GABRR2: variants seen among roughly 807,000 people sequenced by gnomAD.
GABRR2 encodes the protein gamma-aminobutyric acid type A receptor subunit rho2.
A neutral mutation model predicts 47.0 loss-of-function variants in GABRR2; 36 were observed. The ratio of observed to expected loss-of-function variants is 0.77; its 90% CI spans 0.59 to 1.01. GABRR2 has a LOEUF of 1.01. Ranked by LOEUF, GABRR2 falls within the 50% of genes least tolerant of loss-of-function variation. The probability of loss-of-function intolerance (pLI) is 0.00; values close to 1 mark genes in which losing one functional copy is unlikely to be tolerated. For missense variants in GABRR2, 587 were observed against 594.6 expected (o/e 0.99, Z 0.13); for synonymous variants, 204 against 227.5 (o/e 0.90, Z 0.93).
chr6:89,281,288 T>C (rs952252437), intron 2 of GABRR2, among the ~76,000 whole-genome samples: 1 of 152,106 alleles, frequency 6.6e-6, no homozygotes, highest in African/African-American at 2.4e-5. Flanking sequence ...ATCACAGAAG[T>C]GAAAAAGAAG....
intron 2 of GABRR2, among the ~76,000 whole-genome samples, chr6:89,290,611 G>A (rs1473639159): frequency 6.6e-6 from 1 of 152,214 alleles, no homozygotes; most frequent in East Asian, 1.9e-4. Flanking sequence ...AGCCGGGTGT[G>A]GGGCCCGAGC....
At chr6:89,284,320 C>T (rs1291129376) in intron 2 of GABRR2, among the ~76,000 whole-genome samples, 6 of 152,086 alleles carry the variant, frequency 3.9e-5, no homozygotes, top group East Asian at 1.9e-4. Flanking sequence ...ATATATATGT[C>T]GGTAGTAGGC....
intron 2 of GABRR2, among the ~76,000 whole-genome samples, chr6:89,296,344 A>G (rs780031063): frequency 6.6e-6 from 1 of 152,234 alleles, no homozygotes; most frequent in Non-Finnish European, 1.5e-5. Context: ...TGTCTTATTT[A>G]TGGACTCATG....
intron 2 of GABRR2, among the ~76,000 whole-genome samples, chr6:89,273,719 C>T (rs1279267279): frequency 4.6e-5 from 7 of 152,334 alleles, no homozygotes; most frequent in South Asian, 2.1e-4. Flanking sequence ...ACCTAGATCC[C>T]GCTCCCTGCT....
In GABRR2 at chr6:89,269,136, C is replaced by T; in HGVS notation, c.387G>A (p.Leu129=). Residue 129 remains leucine (L), a synonymous_variant, in exon 4 of 9, where the codon CTG becomes CTA. Coordinates refer to ENST00000402938, the MANE Select transcript of GABRR2 (RefSeq NM_002043.5). ...CATCAGGGACCCAGATCTTCTTCAC[C>T]AGCCGGCCATCGAAGGTCATGCTCT... ...SNKSMTFDGR[L]VKKIWVPDVF... 2 of 1,614,006 alleles carry T rather than the reference C, an allele frequency of 1.2e-6. No homozygotes were observed. The highest frequency in any genetic ancestry group is 1.7e-6 in the Non-Finnish European group (2 of 1,179,888).
In GABRR2 at chr6:89,271,798, C is replaced by T. The variant is rs539554043; in HGVS notation, c.221-76G>A. On this transcript the variant is annotated intron_variant, in intron 2 of 8. Transcript: ENST00000402938. ...GGCTGGGAACAGCCCCAGTTGGCTT[C>T]CCCCGGGGAGCCAGGACTGGAGCAG... The T allele has an allele frequency of 1.7e-4, 212 of 1,282,992 alleles. No individual in the cohort carries two copies. In the East Asian group the frequency reaches 5.1e-3, roughly 31 times the overall value. The allele number at this position is 1,282,992 out of a possible 1,614,324, so 79.5% of individuals were successfully genotyped here.
chr6:89,262,678 T>C (rs1027236953), intron 8 of GABRR2, among the ~76,000 whole-genome samples: 13 of 152,338 alleles, frequency 8.5e-5, no homozygotes, highest in African/African-American at 2.9e-4. Flanking sequence ...AAGGTCCCAT[T>C]GACCAAAATG....
chr6:89,259,994 A>G (rs970204582), intron 8 of GABRR2, among the ~76,000 whole-genome samples: 1 of 144,516 alleles, frequency 6.9e-6, no homozygotes, highest in Non-Finnish European at 1.5e-5. Context: ...TGCAGCCTCC[A>G]CCTCCTGGGC....
At chr6:89,299,690 C>T in intron 2 of GABRR2, 69 bp downstream of exon 2, 1 of 1,013,860 alleles carries the variant, frequency 9.9e-7, no homozygotes, top group Non-Finnish European at 1.6e-6. Context: ...CCAGAGGGAG[C>T]CAGAGAGGGC....
At chr6:89,261,670 T>C (rs531354270) in intron 8 of GABRR2, among the ~76,000 whole-genome samples, 37 of 152,344 alleles carry the variant, frequency 2.4e-4, no homozygotes, top group Non-Finnish European at 4.0e-4. Flanking sequence ...AAGAATACAC[T>C]GTGTGCTAAC....
chr6:89,312,929 C>T (rs1263293422), intron 1 of GABRR2, among the ~76,000 whole-genome samples: 2 of 152,220 alleles, frequency 1.3e-5, no homozygotes, highest in African/African-American at 2.4e-5. Flanking sequence ...CCCAGCTGTG[C>T]CCAGGCTCAT....
At chr6:89,270,666 G>A (rs747397797) in intron 3 of GABRR2, among the ~76,000 whole-genome samples, 16 of 152,194 alleles carry the variant, frequency 1.1e-4, no homozygotes, top group Non-Finnish European at 2.2e-4. Flanking sequence ...GCCATGCTGG[G>A]TCCGTTAGGA....
intron 2 of GABRR2, among the ~76,000 whole-genome samples, chr6:89,281,988 C>CCAGGTCAGAGA (rs1774261058): frequency 6.6e-6 from 1 of 152,200 alleles, no homozygotes; most frequent in African/African-American, 2.4e-5. Flanking sequence ...ATGCCCCTCT[C>CCAGGTCAGAGA]TGACCTGGTG....
intron 2 of GABRR2, among the ~76,000 whole-genome samples, chr6:89,286,991 C>T (rs1248234632): frequency 6.6e-6 from 1 of 152,190 alleles, no homozygotes. Context: ...AAGCACTAAC[C>T]TCACCCAGTG....
chr6:89,292,828 TCGTATATA>T (rs1774492102), intron 2 of GABRR2, among the ~76,000 whole-genome samples: 1 of 38,258 alleles, frequency 2.6e-5, no homozygotes, highest in Admixed American at 3.6e-4. Flanking sequence ...ATCGTATATA[TCGTATATA>T]CGATATATCG....
At chr6:89,285,548 C>T (rs56800218) in intron 2 of GABRR2, among the ~76,000 whole-genome samples, 1 of 151,950 alleles carries the variant, frequency 6.6e-6, no homozygotes, top group African/African-American at 2.4e-5. Context: ...CACCATCACC[C>T]GGGCACTTAG....
At chr6:89,266,458 G>A (rs1246964853) in intron 6 of GABRR2, among the ~76,000 whole-genome samples, 1 of 152,178 alleles carries the variant, frequency 6.6e-6, no homozygotes, top group African/African-American at 2.4e-5. Context: ...TTGTGAAATT[G>A]TCACCTTTAT....
chr6:89,302,315 A>G, intron 1 of GABRR2: 1 of 563,330 alleles, frequency 1.8e-6, no homozygotes, highest in Non-Finnish European at 3.6e-6. Context: ...ACTGTGGTGG[A>G]GCCCTACAAC....
chr6:89,261,281 G>A (rs1376761821), intron 8 of GABRR2, among the ~76,000 whole-genome samples: 2 of 152,156 alleles, frequency 1.3e-5, no homozygotes, highest in African/African-American at 4.8e-5. Flanking sequence ...ACAAATTACT[G>A]AAGTTTAAAC....
Sources: allele counts gnomAD v4.1 joint callset (sites outside exome capture counted in the v4.1 genomes callset), GRCh38; gene constraint gnomAD v4.1.1; transcripts MANE v1.5; gene names NCBI Gene and HGNC (gene_info 2026-07-23, HGNC 2026-07-21).